The following CCDC191 variants were observed in gnomAD, a reference collection of about 807,000 sequenced individuals.
The protein encoded by CCDC191 is coiled-coil domain-containing protein 191.
Under a neutral mutation model 114.0 loss-of-function variants are expected in CCDC191, and 99 were observed. That is an observed-to-expected ratio of 0.87 (90% confidence interval 0.74 to 1.03). CCDC191 has a LOEUF of 1.03. Ranked by LOEUF, CCDC191 falls within the 50% of genes least tolerant of loss-of-function variation. The probability of loss-of-function intolerance (pLI) is 0.00; values close to 1 mark genes in which losing one functional copy is unlikely to be tolerated. For synonymous variants in CCDC191, 351 were observed against 376.0 expected (o/e 0.93, Z 0.77); for missense variants, 973 against 1,087.0 (o/e 0.90, Z 1.47).
Position 114,018,763 on chromosome 3 carries a change from G to A in CCDC191, c.1078C>T (p.Leu360=), listed in dbSNP as rs1051534375. 5 of 1,613,392 alleles carry A rather than the reference G, an allele frequency of 3.1e-6. No individual in the cohort carries two copies. The highest frequency in any genetic ancestry group is 4.2e-6 in the Non-Finnish European group (5 of 1,179,772). ...CTTGTGTAGTCTCTCCAGGCCCGCA[G>A]GACCTTCAGCTGAATCTTCCAGTCA... ...LSDWKIQLKV[L]RAWRDYTRFQ... The change falls in exon 8 of 17, where the codon CTG becomes TTG. Residue 360 remains leucine, a synonymous_variant. Coordinates refer to ENST00000295878, the MANE Select transcript of CCDC191 (RefSeq NM_020817.2).
intron 16 of CCDC191, among the ~76,000 whole-genome samples, chr3:113,976,786 G>A (rs1028297097): frequency 6.6e-6 from 1 of 152,174 alleles, no homozygotes; most frequent in African/African-American, 2.4e-5. Flanking sequence ...GAGGAACAGG[G>A]AGGCTTTGAA....
At chr3:113,968,629 T>G (rs1940474537) in intron 16 of CCDC191, among the ~76,000 whole-genome samples, 1 of 151,412 alleles carries the variant, frequency 6.6e-6, no homozygotes, top group South Asian at 2.1e-4. Context: ...GTTTTTTGTT[T>G]TTTTTTTTTT....
At chr3:114,054,363 T>A (rs2076737329) in intron 1 of CCDC191, 1 of 152,354 alleles carries the variant, frequency 6.6e-6, no homozygotes, top group Non-Finnish European at 1.5e-5. Flanking sequence ...CCGGGAGCAG[T>A]GGCTCATGCC....
chr3:113,967,617 TTTATC>T (rs1437007723), intron 16 of CCDC191, among the ~76,000 whole-genome samples: 32 of 152,302 alleles, frequency 2.1e-4, no homozygotes, highest in Admixed American at 1.5e-3. Context: ...ACCTTAAATA[TTTATC>T]TTTTATTTAC....
chr3:114,039,643 G>C lies in CCDC191; in HGVS notation c.416-2857C>G, dbSNP rs544486521. Among the ~76,000 whole-genome samples the C allele has an allele frequency of 2.3e-3, 356 of 152,118 alleles. 1 individual carries two copies. The highest frequency in any genetic ancestry group is 4.0e-3 in the Non-Finnish European group (271 of 68,016). On this transcript the variant is annotated intron_variant, in intron 4 of 16. Coordinates refer to ENST00000295878, the MANE Select transcript of CCDC191 (RefSeq NM_020817.2). ...AGACCTTCTAGTGAGACAAGATGTG[G>C]AGAAGATAGTGATATTGATGATCCT...
intron 9 of CCDC191, among the ~76,000 whole-genome samples, chr3:114,006,587 G>GATATATATATATATAT (rs67264886): frequency 7.6e-4 from 63 of 82,594 alleles, no homozygotes; most frequent in African/African-American, 1.6e-3. Context: ...GGTTACTCCA[G>GATATATATATATATAT]ATATATATAT....
chr3:113,984,070 G>C (rs2075269106), intron 13 of CCDC191: 1 of 152,156 alleles, frequency 6.6e-6, no homozygotes, highest in Admixed American at 6.6e-5. Flanking sequence ...GGACAGGTCT[G>C]TCATGAGGGC....
chr3:114,036,430 C>T (rs1014518450), intron 5 of CCDC191, among the ~76,000 whole-genome samples, 178 bp downstream of exon 5: 5 of 152,014 alleles, frequency 3.3e-5, no homozygotes, highest in South Asian at 2.1e-4. Context: ...TTCCTACCCT[C>T]AGTTTATGAG....
At chr3:113,992,313 G>GGCT (rs762710615) in intron 13 of CCDC191, among the ~76,000 whole-genome samples, 2 of 152,178 alleles carry the variant, frequency 1.3e-5, no homozygotes, top group Non-Finnish European at 2.9e-5. Flanking sequence ...CAGCTGTGTA[G>GGCT]GCTGCTGCCC....
chr3:113,965,081 G>T lies in CCDC191; in HGVS notation c.*74C>A. 1 of 796,900 alleles carries T rather than the reference G, an allele frequency of 1.3e-6. No homozygotes were observed. Among genetic ancestry groups the T allele is most frequent in the Non-Finnish European group, 2.0e-6 (1 of 502,038 alleles). 49.4% of individuals were successfully genotyped at this position (796,900 alleles called of 1,614,324 possible). On this transcript the variant is annotated 3_prime_UTR_variant, in exon 17 of 17. Transcript: ENST00000295878. ...GAATAAACCAGGTGTATGTATGTAT[G>T]TGTGTGGGTGGGTGGAGATAACACA...
chr3:114,027,813 C>A (rs2076346418), intron 7 of CCDC191, among the ~76,000 whole-genome samples: 2 of 152,114 alleles, frequency 1.3e-5, no homozygotes, highest in Admixed American at 1.3e-4. Context: ...TCACTCCCTG[C>A]AAGGCAGCTA....
intron 9 of CCDC191, among the ~76,000 whole-genome samples, chr3:114,009,007 G>C (rs572481892): frequency 6.6e-6 from 1 of 152,000 alleles, no homozygotes; most frequent in Non-Finnish European, 1.5e-5. Context: ...GTTACTATAC[G>C]GAATACTGTA....
intron 8 of CCDC191, 86 bp downstream of exon 8, chr3:114,018,592 G>A: frequency 9.8e-7 from 1 of 1,016,958 alleles, no homozygotes; most frequent in Non-Finnish European, 1.4e-6. Flanking sequence ...ATTCTAGTTG[G>A]CATGTGTAAA....
chr3:113,991,146 G>T (rs1008568362), intron 13 of CCDC191, among the ~76,000 whole-genome samples: 14 of 149,702 alleles, frequency 9.4e-5, no homozygotes, highest in Admixed American at 2.0e-4. Context: ...CAAGGCAGGA[G>T]AATCGCTTGA....
intron 2 of CCDC191, among the ~76,000 whole-genome samples, chr3:114,052,793 A>G (rs2076713691): frequency 1.3e-5 from 2 of 152,208 alleles, no homozygotes; most frequent in Admixed American, 6.5e-5. Flanking sequence ...TATTATATCT[A>G]TCTGGGATCT....
intron 13 of CCDC191, among the ~76,000 whole-genome samples, chr3:113,994,293 T>G (rs2075656215): frequency 6.6e-6 from 1 of 152,222 alleles, no homozygotes; most frequent in Non-Finnish European, 1.5e-5. Flanking sequence ...GAAAGGATTC[T>G]TAGCATTATT....
chr3:114,005,484 C>T (rs202037332), intron 10 of CCDC191, 24 bp downstream of exon 10: 65 of 1,577,518 alleles, frequency 4.1e-5, no homozygotes, highest in South Asian at 7.1e-5. Context: ...ATGAGTCCAG[C>T]GAGTTCTGAT....
At chr3:114,023,676 G>A (rs534916217) in intron 7 of CCDC191, among the ~76,000 whole-genome samples, 12 of 152,174 alleles carry the variant, frequency 7.9e-5, no homozygotes, top group Middle Eastern at 3.4e-3. Flanking sequence ...AAAATGGATC[G>A]CTTCCTTACA....
At chr3:114,035,484 CT>C (rs1235704415) in intron 5 of CCDC191, among the ~76,000 whole-genome samples, 2 of 152,128 alleles carry the variant, frequency 1.3e-5, no homozygotes, top group Non-Finnish European at 1.5e-5. Context: ...TACATTACTG[CT>C]TTTATTATAC....
Sources: allele counts gnomAD v4.1 joint callset (sites outside exome capture counted in the v4.1 genomes callset), GRCh38; gene constraint gnomAD v4.1.1; transcripts MANE v1.5; gene names NCBI Gene and HGNC (gene_info 2026-07-23, HGNC 2026-07-21).